IRAG2: variants seen among roughly 807,000 people sequenced by gnomAD.
The protein encoded by IRAG2 is inositol 1,4,5-triphosphate receptor associated 2, also known as lymphoid restricted membrane protein.
A neutral mutation model predicts 69.9 loss-of-function variants in IRAG2; 45 were observed. The ratio of observed to expected loss-of-function variants is 0.64; its 90% CI spans 0.51 to 0.83. IRAG2 has a LOEUF of 0.83. Among genes scored for constraint, IRAG2 ranks in the 40% least tolerant of loss-of-function variants. The pLI, the probability that IRAG2 is intolerant of heterozygous loss-of-function variation, is 0.00. For missense variants in IRAG2, 520 were observed against 587.0 expected, an observed-to-expected ratio of 0.89 and a Z score of 1.18; for synonymous variants, 193 against 202.4, an observed-to-expected ratio of 0.95 and a Z score of 0.40.
intron 6 of IRAG2, among the ~76,000 whole-genome samples, chr12:25,019,511 C>T (rs796293749): frequency 1.4e-4 from 22 of 152,348 alleles, no homozygotes; most frequent in African/African-American, 5.3e-4. Context: ...AAACTTCTCT[C>T]TGACCTTAGT....
intron 1 of IRAG2, among the ~76,000 whole-genome samples, chr12:25,053,586 T>G (rs1945008058): frequency 6.6e-6 from 1 of 152,126 alleles, no homozygotes; most frequent in Admixed American, 6.6e-5. Context: ...AAGACAGTTG[T>G]CACATTACAG....
At chr12:25,013,829 T>G (rs1944496885) in intron 3 of IRAG2, among the ~76,000 whole-genome samples, 1 of 151,402 alleles carries the variant, frequency 6.6e-6, no homozygotes, top group South Asian at 2.1e-4. Flanking sequence ...AAAACGATTA[T>G]TTTTGCATAA....
chr12:25,030,421 C>T (rs1320082918), intron 10 of IRAG2: 4 of 978,158 alleles, frequency 4.1e-6, no homozygotes, highest in Non-Finnish European at 5.3e-6. Context: ...GAGTCTTGCT[C>T]TGTTGCCCAG....
At chr12:25,031,018 A>C in intron 10 of IRAG2, 2 of 985,292 alleles carry the variant, frequency 2.0e-6, no homozygotes, top group Non-Finnish European at 2.4e-6. Flanking sequence ...TACCGGCTAC[A>C]AAGGTGCTGG....
chr12:25,018,332 A>G (rs558555192), intron 6 of IRAG2, among the ~76,000 whole-genome samples: 12 of 149,346 alleles, frequency 8.0e-5, no homozygotes, highest in Non-Finnish European at 1.8e-4. Flanking sequence ...CCCACCCCTC[A>G]AGTAGCTGGG....
chr12:25,104,611 TAA>T (rs1031865924), intron 20 of IRAG2, 149 bp downstream of exon 20: 30 of 601,848 alleles, frequency 5.0e-5, no homozygotes, highest in Non-Finnish European at 6.9e-5. Flanking sequence ...AAGCACAATA[TAA>T]GTGTTATTTG....
In IRAG2 at chr12:25,031,914, G is replaced by A. The variant is rs539153995; in HGVS notation, c.1519-228G>A. 1.3e-3 allele frequency among the ~76,000 whole-genome samples: 201 copies of A among 152,172 alleles called. 1 individual carries two copies. Among genetic ancestry groups the A allele is most frequent in the African/African-American group, 4.6e-3 (190 of 41,512 alleles). ...CGACCTCAGGTGATCCGCCCTCCTC[G>A]GCCTCCCAAAGTGTTGGGATTACAG... On this transcript the variant is annotated intron_variant, in intron 10 of 38. Coordinates refer to the IRAG2 transcript ENST00000636465.
exon 2 of IRAG2, chr12:25,005,254 A>G: frequency 8.2e-7 from 1 of 1,226,172 alleles, no homozygotes; most frequent in Non-Finnish European, 1.0e-6. Context: ...GGAAACAAGA[A>G]GCTGATGATG....
chr12:25,069,480 T>TTCA, intron 6 of IRAG2, 49 bp downstream of exon 6: 1 of 1,515,030 alleles, frequency 6.6e-7, no homozygotes, highest in Non-Finnish European at 9.1e-7. Flanking sequence ...TACCATATCC[T>TTCA]GTTCTTCTTC....
chr12:25,069,289 G>C, intron 5 of IRAG2, 61 bp from the exon 6 acceptor site: 1 of 742,208 alleles, frequency 1.3e-6, no homozygotes, highest in East Asian at 2.5e-5. Flanking sequence ...TTATAGTTTA[G>C]TATCTGCTAA....
intron 1 of IRAG2, among the ~76,000 whole-genome samples, chr12:25,053,407 T>C (rs2139891809): frequency 6.6e-6 from 1 of 152,148 alleles, no homozygotes; most frequent in Non-Finnish European, 1.5e-5. Flanking sequence ...GCAAAATAAT[T>C]ATGAATTCAG....
chr12:25,029,800 C>T lies in IRAG2; in HGVS notation c.1462-478C>T, dbSNP rs699045. Among the ~76,000 whole-genome samples the T allele has an allele frequency of 6.3e-3, 953 of 152,238 alleles. 12 individuals are homozygous for T. Among genetic ancestry groups the T allele is most frequent in the African/African-American group, 0.021 (885 of 41,542 alleles). ...GGCTCAAACCATCCTCCAGCCTCAG[C>T]CTCCCGAGTGCCTGAGACTACAGGC... On this transcript the variant is annotated intron_variant, in intron 9 of 38. Coordinates refer to the IRAG2 transcript ENST00000636465.
chr12:25,050,024 G>A (rs558323441), upstream of IRAG2, among the ~76,000 whole-genome samples: 1 of 146,408 alleles, frequency 6.8e-6, no homozygotes, highest in East Asian at 2.0e-4. Context: ...TCGGGAGGCC[G>A]AGGCAGGAGA....
At chr12:25,091,818 G>T (rs1449712495) in intron 14 of IRAG2, among the ~76,000 whole-genome samples, 2 of 152,042 alleles carry the variant, frequency 1.3e-5, no homozygotes, top group African/African-American at 4.8e-5. Flanking sequence ...GATGTGAGGT[G>T]GTATCTTATT....
upstream of IRAG2, among the ~76,000 whole-genome samples, chr12:25,001,389 T>A (rs1944389935): frequency 6.6e-6 from 1 of 151,964 alleles, no homozygotes; most frequent in South Asian, 2.1e-4. Context: ...GAGGTTGCAA[T>A]GAGCCATGAG....
chr12:25,048,529 T>G (rs1250288066), upstream of IRAG2, among the ~76,000 whole-genome samples: 1 of 152,126 alleles, frequency 6.6e-6, no homozygotes, highest in African/African-American at 2.4e-5. Context: ...ACTCCTGACC[T>G]CAAGCAATCC....
At chr12:25,031,385 A>T (rs745647391) in intron 10 of IRAG2, among the ~76,000 whole-genome samples, 2 of 152,184 alleles carry the variant, frequency 1.3e-5, no homozygotes, top group Non-Finnish European at 2.9e-5. Context: ...GGATAAAATT[A>T]GAGATCAGGT....
chr12:25,004,509 T>G lies in IRAG2; in HGVS notation c.168T>G (p.Tyr56Ter). Residue 56 changes from tyrosine (Y) to a stop codon, truncating the protein, a stop_gained, in exon 1 of 39, where the codon TAT becomes TAG. Transcript: ENST00000636465. LOFTEE classifies it high-confidence loss of function. ...GCCCACAGACGAACACCAAGAAATA[T>G]TTTGAAGAGGTACTGAGGAAAATGA... 1 of 1,232,094 alleles carries G rather than the reference T, an allele frequency of 8.1e-7. No individual in the cohort carries two copies. The allele number at this position is 1,232,094 out of a possible 1,614,324, so 76.3% of individuals were successfully genotyped here. A position where few individuals can be genotyped will look rare whatever the true frequency, so the allele number is the denominator to read the frequency against.
chr12:25,021,025 A>T (rs1204246785), intron 7 of IRAG2: 1 of 444,978 alleles, frequency 2.2e-6, no homozygotes, highest in Non-Finnish European at 3.7e-6. Flanking sequence ...AATTGGTAAC[A>T]CTTTAGAAAA....
Sources: allele counts gnomAD v4.1 joint callset (sites outside exome capture counted in the v4.1 genomes callset), GRCh38; gene constraint gnomAD v4.1.1; transcripts MANE v1.5; gene names NCBI Gene and HGNC (gene_info 2026-07-23, HGNC 2026-07-21).